Variants in SYT1 observed in about 807,000 individuals in gnomAD.
The protein encoded by SYT1 is synaptotagmin-1.
A neutral mutation model predicts 44.8 loss-of-function variants in SYT1; 8 were observed. That is an observed-to-expected ratio of 0.18 (90% CI 0.10 to 0.32). The LOEUF (loss-of-function observed/expected upper bound fraction) is 0.32, where lower values mean the gene tolerates loss of function less well. Ranked by LOEUF, SYT1 falls within the 10% of genes least tolerant of loss-of-function variation. The probability of loss-of-function intolerance (pLI) is 1.00; values close to 1 mark genes in which losing one functional copy is unlikely to be tolerated. For missense variants in SYT1, 286 were observed against 509.3 expected (o/e 0.56, Z 4.22); for synonymous variants, 154 against 188.8 (o/e 0.82, Z 1.51).
intron 1 of SYT1, among the ~76,000 whole-genome samples, chr12:78,907,938 T>C (rs1261698223): frequency 6.6e-6 from 1 of 152,016 alleles, no homozygotes; most frequent in Non-Finnish European, 1.5e-5. Flanking sequence ...CTCAGGTATA[T>C]AGAGAAAAGT....
chr12:79,040,616 T>G (rs1413173832), intron 2 of SYT1, among the ~76,000 whole-genome samples: 1 of 151,852 alleles, frequency 6.6e-6, no homozygotes, highest in Non-Finnish European at 1.5e-5. Context: ...GTGCAGAAGC[T>G]CTTTAGTTTA....
chr12:78,918,544 A>G (rs575528247), intron 1 of SYT1, among the ~76,000 whole-genome samples: 29 of 152,128 alleles, frequency 1.9e-4, no homozygotes, highest in African/African-American at 6.0e-4. Flanking sequence ...GCAACTCTTG[A>G]TATGTATGGG....
chr12:79,171,367 T>C lies in SYT1; in HGVS notation c.-17-46136T>C, dbSNP rs140543349. Reference sequence around the variant, plus strand: ...TTTGTTTGTGTCATCTCTGATTTCTTTGAGCAGTGGTTTGCAGTTCTCCTT... The same window carrying C: ...TTTGTTTGTGTCATCTCTGATTTCTCTGAGCAGTGGTTTGCAGTTCTCCTT... On this transcript the variant is annotated intron_variant, in intron 3 of 10. Coordinates refer to ENST00000261205, the MANE Select transcript of SYT1 (RefSeq NM_005639.3). 1.2e-3 allele frequency among the ~76,000 whole-genome samples: 180 copies of C among 152,188 alleles called. 2 individuals are homozygous for C. The highest frequency in any genetic ancestry group is 4.0e-3 in the African/African-American group (167 of 41,550).
chr12:78,987,662 ATTTAC>A (rs1293783021), intron 2 of SYT1, among the ~76,000 whole-genome samples: 2 of 151,974 alleles, frequency 1.3e-5, no homozygotes, highest in African/African-American at 4.8e-5. Context: ...ACCATTTGCT[ATTTAC>A]TTTACATTAG....
intron 3 of SYT1, among the ~76,000 whole-genome samples, chr12:79,071,479 C>T (rs1876272880): frequency 6.6e-6 from 1 of 152,136 alleles, no homozygotes; most frequent in Non-Finnish European, 1.5e-5. Flanking sequence ...GATCAGAAAA[C>T]TGTATCCCAA....
intron 3 of SYT1, among the ~76,000 whole-genome samples, chr12:79,144,455 A>G (rs1869751588): frequency 6.6e-6 from 1 of 152,186 alleles, no homozygotes; most frequent in African/African-American, 2.4e-5. Context: ...CCACATTGGG[A>G]TAAGGGAAAG....
At chr12:78,981,125 G>GTTTTTTTTTT (rs1171068435) in intron 2 of SYT1, among the ~76,000 whole-genome samples, 3 of 122,690 alleles carry the variant, frequency 2.4e-5, no homozygotes, top group Non-Finnish European at 3.4e-5. Flanking sequence ...TTGTTTCTTT[G>GTTTTTTTTTT]TTTTTTTTTT....
chr12:78,974,441 T>G (rs1868662314), intron 1 of SYT1, among the ~76,000 whole-genome samples: 1 of 152,026 alleles, frequency 6.6e-6, no homozygotes, highest in African/African-American at 2.4e-5. Context: ...TTTATTTATT[T>G]ATCTATTTAT....
At chr12:79,123,349 G>GTGTGTGTGTGTGTGTGTT (rs1223360739) in intron 3 of SYT1, among the ~76,000 whole-genome samples, 16 of 148,518 alleles carry the variant, frequency 1.1e-4, no homozygotes, top group African/African-American at 3.9e-4. Context: ...GTGTGTGTGT[G>GTGTGTGTGTGTGTGTGTT]TGTTTAGCTA....
At chr12:78,894,897 A>G (rs1875271627) in intron 1 of SYT1, among the ~76,000 whole-genome samples, 1 of 151,782 alleles carries the variant, frequency 6.6e-6, no homozygotes, top group East Asian at 1.9e-4. Flanking sequence ...GAAAATTGCT[A>G]AAAAGTAGAT....
At chr12:79,081,223 T>C (rs2137951172) in intron 3 of SYT1, among the ~76,000 whole-genome samples, 1 of 152,328 alleles carries the variant, frequency 6.6e-6, no homozygotes, top group East Asian at 1.9e-4. Flanking sequence ...TGCTGCTTAC[T>C]ACTCAGCCCC....
At chr12:79,150,937 G>GA (rs972400829) in intron 3 of SYT1, among the ~76,000 whole-genome samples, 2 of 151,784 alleles carry the variant, frequency 1.3e-5, no homozygotes, top group African/African-American at 4.8e-5. Flanking sequence ...TAAGTGCCTA[G>GA]AAAAAAGGAA....
intron 4 of SYT1, among the ~76,000 whole-genome samples, chr12:79,270,679 TC>T (rs1461702844): frequency 1.3e-5 from 2 of 152,072 alleles, no homozygotes; most frequent in African/African-American, 2.4e-5. Context: ...TAAACCAAGA[TC>T]CCAGTGAGTA....
intron 3 of SYT1, among the ~76,000 whole-genome samples, chr12:79,215,524 T>C (rs1874731388): frequency 6.6e-6 from 1 of 151,958 alleles, no homozygotes. Context: ...TAATGGAAAA[T>C]TAAAAACTTA....
intron 3 of SYT1, among the ~76,000 whole-genome samples, chr12:79,197,287 C>T (rs1365384841): frequency 6.6e-6 from 1 of 152,044 alleles, no homozygotes; most frequent in African/African-American, 2.4e-5. Flanking sequence ...AAATATGACG[C>T]AACTTGGAGT....
At chr12:79,165,779 T>C (rs1008441589) in intron 3 of SYT1, among the ~76,000 whole-genome samples, 22 of 152,006 alleles carry the variant, frequency 1.4e-4, no homozygotes, top group African/African-American at 5.1e-4. Context: ...GGGAGCTGAA[T>C]TGTCCACCTT....
intron 3 of SYT1, among the ~76,000 whole-genome samples, chr12:79,100,916 GA>G (rs2138049507): frequency 6.6e-6 from 1 of 152,008 alleles, no homozygotes; most frequent in East Asian, 1.9e-4. Context: ...GCTCTGTGAA[GA>G]AAAAAATGCA....
At chr12:79,050,628 T>C (rs1224397432) in intron 3 of SYT1, among the ~76,000 whole-genome samples, 1 of 152,030 alleles carries the variant, frequency 6.6e-6, no homozygotes, top group African/African-American at 2.4e-5. Flanking sequence ...AACTGGGAGT[T>C]GATACACTCA....
chr12:78,994,028 G>C (rs181750194), intron 2 of SYT1, among the ~76,000 whole-genome samples: 8 of 152,198 alleles, frequency 5.3e-5, no homozygotes, highest in African/African-American at 1.9e-4. Context: ...TGCCTACAAA[G>C]TGACCCAAAA....
Sources: gnomAD v4.1 joint callset for allele counts (sites outside exome capture counted in the v4.1 genomes callset) on GRCh38, gnomAD v4.1.1 for gene constraint, MANE v1.5 for transcripts, NCBI Gene and HGNC (gene_info 2026-07-23, HGNC 2026-07-21) for gene names.